The following NUTM2D variants were observed in gnomAD, a reference collection of about 807,000 sequenced individuals.
NUTM2D encodes the protein NUT family member 2D, also known as NUT family member 2A pseudogene.
NUTM2D carries 2 observed loss-of-function variants against 43.5 expected under a neutral mutation model. The ratio of observed to expected loss-of-function variants is 0.05; its 90% CI spans 0.02 to 0.14. The LOEUF (loss-of-function observed/expected upper bound fraction) is 0.14. Ranked by LOEUF, NUTM2D falls within the 10% of genes least tolerant of loss-of-function variation. NUTM2D has a pLI of 1.00. For missense variants in NUTM2D, 48 were observed against 668.7 expected, an observed-to-expected ratio of 0.07 and a Z score of 10.24; for synonymous variants, 24 against 276.6, an observed-to-expected ratio of 0.09 and a Z score of 9.06.
At chr10:87,369,471 T>C (rs1405608925), downstream of NUTM2D, 1 of 150,628 alleles carries the variant, frequency 6.6e-6, no homozygotes, top group African/African-American at 2.5e-5. Flanking sequence ...CTATGGCCCT[T>C]TGTCCGAGCA....
intron 2 of NUTM2D, among the ~76,000 whole-genome samples, chr10:87,362,788 G>A (rs1197875401): frequency 2.6e-5 from 4 of 151,604 alleles, no homozygotes; most frequent in African/African-American, 9.8e-5. Flanking sequence ...TCCATGACTG[G>A]GACCCACGCT....
rs555307217 is a variant in NUTM2D, at chr10:87,358,391, G to T, written c.126G>T (p.Ala42=). The change falls in exon 1 of 7, where the codon GCG becomes GCT. Residue 42 remains alanine, a synonymous_variant. Transcript: ENST00000381697. ...CTCATTGTGGAAACTGCCAGACAGC[G>T]GTAGTCAGTGCCCAGCCTGAGGGGA... is the stretch of plus-strand genomic sequence containing the variant. ...GFSHCGNCQT[A]VVSAQPEGMA... 6.2e-7 allele frequency: 1 copy of T among 1,613,884 alleles called. No homozygotes were observed. Among genetic ancestry groups the T allele is most frequent in the African/African-American group, 1.3e-5 (1 of 74,950 alleles).
intron 2 of NUTM2D, among the ~76,000 whole-genome samples, chr10:87,362,634 A>G (rs1850267090): frequency 2.1e-5 from 1 of 46,626 alleles, no homozygotes; most frequent in Non-Finnish European, 4.2e-5. Context: ...TCCAGAGGCC[A>G]GAAGTCCCAG....
At chr10:87,359,491 A>G (rs1850244249) in intron 1 of NUTM2D, among the ~76,000 whole-genome samples, 2 of 21,314 alleles carry the variant, frequency 9.4e-5, no homozygotes, top group African/African-American at 4.5e-4. Flanking sequence ...TGAGTTCCAG[A>G]CAACTTTGCC....
intron 5 of NUTM2D, among the ~76,000 whole-genome samples, 181 bp downstream of exon 5, chr10:87,365,384 CTGTGTGTCTT>C (rs1220051687): frequency 3.3e-5 from 5 of 150,442 alleles, no homozygotes; most frequent in Non-Finnish European, 7.4e-5. Flanking sequence ...TGGTTTGTTA[CTGTGTGTCTT>C]TGTGTGTCTG....
intron 5 of NUTM2D, among the ~76,000 whole-genome samples, chr10:87,365,412 G>A (rs1241318701): frequency 6.1e-5 from 9 of 148,752 alleles, no homozygotes; most frequent in African/African-American, 2.0e-4. Flanking sequence ...CTGTGTGGGT[G>A]TGAGTGTGGA....
downstream of NUTM2D, chr10:87,367,295 A>G (rs1466337928): frequency 1.2e-6 from 2 of 1,606,842 alleles, no homozygotes; most frequent in Admixed American, 1.7e-5. Context: ...GGCTCTGGGA[A>G]CCCACAGAGG....
At position 87,365,087 on chromosome 10, in the gene NUTM2D, A is replaced by G; in HGVS notation, c.1402A>G (p.Lys468Glu). The G allele has an allele frequency of 1.1e-6, 1 of 948,652 alleles. No homozygotes were observed. The highest frequency in any genetic ancestry group is 1.7e-5 in the South Asian group (1 of 59,994). The allele number at this position is 948,652 out of a possible 1,614,324, so 58.8% of individuals were successfully genotyped here. A position where few individuals can be genotyped will look rare whatever the true frequency, so the allele number is the denominator to read the frequency against. The stretch of plus-strand genomic sequence containing the variant: ...TCTCGGGGCCACGGGGGAGCCCGAG[A>G]AACAACGGGAAGAGGGCGAAGTGAA... Reference protein sequence around the residue: ...PSLGATGEPEKQREEGEVKQP... With the variant: ...PSLGATGEPEEQREEGEVKQP... The change falls in exon 5 of 7, where the codon AAA (lysine) becomes GAA (glutamate). Residue 468 changes from lysine (K) to glutamate (E), a missense_variant. By Grantham distance (56) the Lys-to-Glu change is moderately conservative (BLOSUM62 1). Transcript: ENST00000381697.
chr10:87,359,929 G>T (rs1245698349), intron 1 of NUTM2D, among the ~76,000 whole-genome samples: 3 of 152,252 alleles, frequency 2.0e-5, no homozygotes, highest in Non-Finnish European at 1.5e-5. Flanking sequence ...TTCCTAGGGC[G>T]CTGGCTTGGG....
At chr10:87,369,892 TC>T (rs1850338609), downstream of NUTM2D, 1 of 152,088 alleles carries the variant, frequency 6.6e-6, no homozygotes, top group South Asian at 2.1e-4. Context: ...AGCCATAGCC[TC>T]CTGGGAAACT....
chr10:87,368,266 ACC>A (rs1206055651), downstream of NUTM2D: 1 of 113,258 alleles, frequency 8.8e-6, no homozygotes, highest in Non-Finnish European at 1.8e-5. Flanking sequence ...TGCCCCCCTT[ACC>A]CCTAACCCAC....
At chr10:87,360,006 C>T (rs1377324624) in intron 1 of NUTM2D, among the ~76,000 whole-genome samples, 6 of 146,980 alleles carry the variant, frequency 4.1e-5, no homozygotes, top group East Asian at 2.0e-4. Context: ...TTTACAAGAG[C>T]GTCAGGAAAA....
At chr10:87,359,764 G>A (rs1850246426) in intron 1 of NUTM2D, among the ~76,000 whole-genome samples, 1 of 141,638 alleles carries the variant, frequency 7.1e-6, no homozygotes, top group South Asian at 2.3e-4. Context: ...TCTCAGACCT[G>A]CTCCCTGGGA....
At chr10:87,370,306 A>G (rs2131733311), downstream of NUTM2D, 1 of 152,308 alleles carries the variant, frequency 6.6e-6, no homozygotes, top group South Asian at 2.1e-4. Flanking sequence ...TCCATTTCTC[A>G]TGGCTACATA....
rs1168362525 is a variant in NUTM2D at position 87,361,713 on chromosome 10, G to A, written c.866+533G>A. Among the ~76,000 whole-genome samples the A allele has an allele frequency of 3.8e-5, 2 of 52,710 alleles. 1 individual carries two copies. The highest frequency in any genetic ancestry group is 8.4e-5 in the Non-Finnish European group (2 of 23,862). 34.6% of individuals were successfully genotyped at this position (52,710 alleles called of 152,430 possible). On this transcript the variant is annotated intron_variant, in intron 2 of 6. Transcript: ENST00000381697. Reference sequence around the variant, plus strand: ...TGGGGCCGATGCCGGGCAGGTATTTGCATCTTCACCCTCAATCCCTCCTAG... The same window carrying A: ...TGGGGCCGATGCCGGGCAGGTATTTACATCTTCACCCTCAATCCCTCCTAG...
chr10:87,369,811 C>G (rs1850337565), downstream of NUTM2D: 1 of 151,578 alleles, frequency 6.6e-6, no homozygotes, highest in African/African-American at 2.4e-5. Context: ...ACCAGTGCGG[C>G]TGGGGTGGCC....
At chr10:87,369,487 A>G (rs988441882), downstream of NUTM2D, 2 of 151,110 alleles carry the variant, frequency 1.3e-5, no homozygotes, top group Non-Finnish European at 2.9e-5. Flanking sequence ...GAGCAGCCCT[A>G]TGTGACTAGG....
At chr10:87,360,146 C>T (rs1484506868) in intron 1 of NUTM2D, among the ~76,000 whole-genome samples, 5 of 107,306 alleles carry the variant, frequency 4.7e-5, no homozygotes, top group South Asian at 8.0e-4. Context: ...ACCACCAAGC[C>T]GCTGAGAGAC....
intron 1 of NUTM2D, among the ~76,000 whole-genome samples, chr10:87,359,469 A>G (rs1376333060): frequency 2.7e-3 from 37 of 13,730 alleles, no homozygotes; most frequent in African/African-American, 0.012. Context: ...ATGAGGTCCT[A>G]TTGAACAGGG....
Sources: gnomAD v4.1 joint callset for allele counts (sites outside exome capture counted in the v4.1 genomes callset) on GRCh38, gnomAD v4.1.1 for gene constraint, MANE v1.5 for transcripts, NCBI Gene and HGNC (gene_info 2026-07-23, HGNC 2026-07-21) for gene names.